The following TSGA10 variants were observed in gnomAD, a reference collection of about 807,000 sequenced individuals.
The protein encoded by TSGA10 is testis specific 10, also known as testis-specific gene 10 protein.
TSGA10 carries 43 observed loss-of-function variants against 96.6 expected under a neutral mutation model. That is an observed-to-expected ratio of 0.44 (90% confidence interval 0.35 to 0.57). The LOEUF is 0.57. Among genes scored for constraint, TSGA10 ranks in the 20% least tolerant of loss-of-function variants. The probability of loss-of-function intolerance (pLI) is 0.01; values close to 1 mark genes in which losing one functional copy is unlikely to be tolerated. For missense variants in TSGA10, 703 were observed against 834.4 expected, an observed-to-expected ratio of 0.84 and a Z score of 1.94; for synonymous variants, 229 against 269.9, an observed-to-expected ratio of 0.85 and a Z score of 1.48.
chr2:99,143,922 T>C (rs1325284200), intron 1 of TSGA10, among the ~76,000 whole-genome samples: 2 of 152,184 alleles, frequency 1.3e-5, no homozygotes, highest in Admixed American at 1.3e-4. Flanking sequence ...GTTTTCACTG[T>C]CCTCTTCCTG....
At chr2:99,068,793 G>T in intron 15 of TSGA10, 95 bp downstream of exon 15, 1 of 513,002 alleles carries the variant, frequency 1.9e-6, no homozygotes, top group Non-Finnish European at 3.3e-6. Context: ...ATTAAAGAAA[G>T]CTTTGATTCA....
intron 1 of TSGA10, among the ~76,000 whole-genome samples, chr2:99,151,808 T>G (rs1203527296): frequency 2.1e-5 from 2 of 95,618 alleles, no homozygotes; most frequent in Non-Finnish European, 5.1e-5. Flanking sequence ...ATATTTAATA[T>G]GAGAAAAAAC....
chr2:99,035,315 G>A lies in TSGA10; in HGVS notation c.1529C>T (p.Ser510Phe), dbSNP rs2081521565. The A allele has an allele frequency of 6.2e-7, 1 of 1,613,000 alleles. No homozygotes were observed. The highest frequency in any genetic ancestry group is 8.5e-7 in the Non-Finnish European group (1 of 1,179,420). ...EKVSALADLS[S>F]TRELCIKLDS... ...AAGTTTAATACAGAGTTCCCTAGTA[G>A]AAGACAAATCTGCAAGAGCGGACAC... The change falls in exon 17 of 21, where the codon TCT (serine) becomes TTT (phenylalanine). Residue 510 changes from serine (S) to phenylalanine (F), a missense_variant. By Grantham distance (155) the Ser-to-Phe change is radical. Coordinates refer to ENST00000393483, the MANE Select transcript of TSGA10 (RefSeq NM_025244.4).
At chr2:99,042,410 A>G (rs2082286323) in intron 16 of TSGA10, among the ~76,000 whole-genome samples, 1 of 152,080 alleles carries the variant, frequency 6.6e-6, no homozygotes, top group African/African-American at 2.4e-5. Context: ...TCCAGCAGAG[A>G]GGGCCCAGCA....
At chr2:99,029,378 T>C (rs1417221759) in intron 17 of TSGA10, among the ~76,000 whole-genome samples, 2 of 152,092 alleles carry the variant, frequency 1.3e-5, no homozygotes, top group African/African-American at 4.8e-5. Flanking sequence ...GTATATTATA[T>C]AGTGTGAATT....
intron 20 of TSGA10, among the ~76,000 whole-genome samples, chr2:99,008,521 T>C (rs1367451263): frequency 2.0e-5 from 3 of 152,164 alleles, no homozygotes; most frequent in Non-Finnish European, 4.4e-5. Flanking sequence ...GTGGCACAAA[T>C]TCAAAAGCTT....
At chr2:99,102,839 G>C (rs916127772) in intron 10 of TSGA10, 1 of 1,090,146 alleles carries the variant, frequency 9.2e-7, no homozygotes, top group Admixed American at 1.7e-5. Context: ...CTAAATATTT[G>C]GCCAATAGTT....
intron 17 of TSGA10, among the ~76,000 whole-genome samples, chr2:99,031,527 T>C (rs2081132008): frequency 6.6e-6 from 1 of 152,102 alleles, no homozygotes; most frequent in Non-Finnish European, 1.5e-5. Flanking sequence ...TGAAAACTTT[T>C]TAATTGAGAA....
In TSGA10 at chr2:99,117,772, GA is replaced by G. The variant is rs903591296; in HGVS notation, c.-355-14del. On this transcript the variant is annotated splice_polypyrimidine_tract_variant and intron_variant, in intron 3 of 20. Coordinates refer to ENST00000393483, the MANE Select transcript of TSGA10 (RefSeq NM_025244.4). ...TGAGATCTTCAATCTGTTATTATCA[GA>G]AAAAAAATCACATTAAAATAATTCC... 4.1e-6 allele frequency: 4 copies of G among 978,950 alleles called. No homozygotes were observed. Among genetic ancestry groups the G allele is most frequent in the Non-Finnish European group, 4.9e-6 (4 of 824,004 alleles). 60.6% of individuals were successfully genotyped at this position (978,950 alleles called of 1,614,324 possible).
intron 16 of TSGA10, among the ~76,000 whole-genome samples, chr2:99,053,034 C>A (rs1312479199): frequency 6.6e-6 from 1 of 151,942 alleles, no homozygotes; most frequent in Non-Finnish European, 1.5e-5. Flanking sequence ...TGCACTCCAG[C>A]CTGAGGGACA....
intron 20 of TSGA10, among the ~76,000 whole-genome samples, chr2:99,005,428 G>A (rs1170361713): frequency 6.6e-6 from 1 of 152,066 alleles, no homozygotes; most frequent in Non-Finnish European, 1.5e-5. Flanking sequence ...TAAGCTGATA[G>A]GCAACTTCAG....
chr2:99,038,651 T>A (rs2081896379), intron 16 of TSGA10, among the ~76,000 whole-genome samples: 1 of 152,152 alleles, frequency 6.6e-6, no homozygotes, highest in South Asian at 2.1e-4. Flanking sequence ...CTCCCAAATT[T>A]ATAAGCAATT....
At chr2:99,130,075 T>A (rs1246118016) in intron 1 of TSGA10, among the ~76,000 whole-genome samples, 1 of 152,204 alleles carries the variant, frequency 6.6e-6, no homozygotes, top group East Asian at 1.9e-4. Context: ...TTTACTATTA[T>A]GAACAGTGCT....
chr2:99,141,114 G>A (rs1559143007), intron 1 of TSGA10: 2 of 1,284,114 alleles, frequency 1.6e-6, no homozygotes, highest in Non-Finnish European at 2.0e-6. Flanking sequence ...CGGGCTCCTC[G>A]GCCCGCCGTC....
At chr2:99,003,931 G>A (rs2078216669) in intron 20 of TSGA10, among the ~76,000 whole-genome samples, 1 of 151,670 alleles carries the variant, frequency 6.6e-6, no homozygotes, top group South Asian at 2.1e-4. Context: ...GCTAGCAGAA[G>A]ACAAATAACT....
At chr2:99,117,494 CATG>C in intron 4 of TSGA10, 47 bp downstream of exon 4, 1 of 866,314 alleles carries the variant, frequency 1.2e-6, no homozygotes, top group Non-Finnish European at 1.4e-6. Context: ...TTAAAAATTA[CATG>C]ATGTTTAAAG....
chr2:99,115,982 G>A (rs2092232945), intron 4 of TSGA10, among the ~76,000 whole-genome samples: 2 of 152,076 alleles, frequency 1.3e-5, no homozygotes, highest in Admixed American at 6.6e-5. Context: ...CAATCCTAGA[G>A]GTCATCAATT....
At chr2:99,087,793 G>C (rs1412155463) in intron 10 of TSGA10, among the ~76,000 whole-genome samples, 1 of 152,064 alleles carries the variant, frequency 6.6e-6, no homozygotes, top group Non-Finnish European at 1.5e-5. Context: ...CAGATAAACG[G>C]CTTCTACAAT....
intron 16 of TSGA10, among the ~76,000 whole-genome samples, chr2:99,036,827 T>C (rs1237849880): frequency 6.6e-6 from 1 of 152,112 alleles, no homozygotes; most frequent in Non-Finnish European, 1.5e-5. Flanking sequence ...GCTACATTAA[T>C]TTCAGACAAA....
Sources: gnomAD v4.1 joint callset for allele counts (sites outside exome capture counted in the v4.1 genomes callset) on GRCh38, gnomAD v4.1.1 for gene constraint, MANE v1.5 for transcripts, NCBI Gene and HGNC (gene_info 2026-07-23, HGNC 2026-07-21) for gene names.